The following GJC1 variants were observed in gnomAD, a reference collection of about 807,000 sequenced individuals.
GJC1 encodes the protein gap junction protein gamma 1.
Under a neutral mutation model 29.3 loss-of-function variants are expected in GJC1, and 5 were observed. That is an observed-to-expected ratio of 0.17 (90% CI 0.09 to 0.36). GJC1 has a LOEUF of 0.36. Ranked by LOEUF, GJC1 falls within the 10% of genes least tolerant of loss-of-function variation. The pLI is 1.00. For missense variants in GJC1, 310 were observed against 496.2 expected (o/e 0.62, Z 3.56); for synonymous variants, 177 against 183.3 (o/e 0.97, Z 0.28).
intron 1 of GJC1, among the ~76,000 whole-genome samples, chr17:44,828,050 GATCCTCATTACTCA>G: frequency 6.6e-6 from 1 of 152,278 alleles, no homozygotes. Context: ...TGTATTCTAA[GATCCTCATTACTCA>G]ATTGATAGGC....
intron 1 of GJC1, among the ~76,000 whole-genome samples, chr17:44,809,368 A>C (rs2049947496): frequency 6.6e-6 from 1 of 152,190 alleles, no homozygotes; most frequent in African/African-American, 2.4e-5. Context: ...ACAAGAAGTA[A>C]ATAATATAAA....
chr17:44,816,636 G>A (rs1224692901), intron 1 of GJC1, among the ~76,000 whole-genome samples: 1 of 151,974 alleles, frequency 6.6e-6, no homozygotes, highest in Non-Finnish European at 1.5e-5. Context: ...TTCTCGAGTA[G>A]CTGGGATTAC....
At chr17:44,823,716 CTTT>C (rs138768045) in intron 1 of GJC1, among the ~76,000 whole-genome samples, 3 of 143,198 alleles carry the variant, frequency 2.1e-5, no homozygotes, top group African/African-American at 2.6e-5. Flanking sequence ...CTTTCCTTTC[CTTT>C]TTTTTTTTTT....
chr17:44,829,755 C>G (rs1013521374), intron 1 of GJC1: 11 of 152,054 alleles, frequency 7.2e-5, no homozygotes, highest in African/African-American at 2.7e-4. Context: ...GACCGTCGCC[C>G]GACACCTCCG....
chr17:44,811,697 A>G (rs1255330710), intron 1 of GJC1, among the ~76,000 whole-genome samples: 2 of 151,998 alleles, frequency 1.3e-5, no homozygotes, highest in Non-Finnish European at 2.9e-5. Flanking sequence ...TCTTTCTCTT[A>G]ATATAATTCT....
At position 44,801,804 on chromosome 17, in the gene GJC1, C is replaced by G. The variant is rs2049850588; in HGVS notation, c.*2823G>C. The G allele has an allele frequency of 6.6e-6, 1 of 152,130 alleles. No individual in the cohort carries two copies. Among genetic ancestry groups the G allele is most frequent in the Non-Finnish European group, 1.5e-5 (1 of 68,048 alleles). The allele number at this position is 152,130 out of a possible 1,614,324, so 9.4% of individuals were successfully genotyped here. A position where few individuals can be genotyped will look rare whatever the true frequency, so the allele number is the denominator to read the frequency against. On this transcript the variant is annotated 3_prime_UTR_variant, in exon 3 of 3. Coordinates refer to ENST00000592524, the MANE Select transcript of GJC1 (RefSeq NM_005497.4). ...ATTTTTAGTAGAGATGGAGTTTCAC[C>G]ATGTTGACCAGTCTGGTCTTGAACT...
chr17:44,797,684 C>G (rs2049792544), downstream of GJC1: 1 of 152,186 alleles, frequency 6.6e-6, no homozygotes, highest in Non-Finnish European at 1.5e-5. Flanking sequence ...CCCTTAAAAC[C>G]TTAAAAACAG....
intron 1 of GJC1, among the ~76,000 whole-genome samples, chr17:44,822,286 A>G (rs1170487071): frequency 4.6e-5 from 7 of 151,872 alleles, no homozygotes; most frequent in East Asian, 1.9e-4. Flanking sequence ...TATGGGGGGA[A>G]TAAGGAGGGA....
chr17:44,808,768 G>C (rs1381058548), intron 1 of GJC1, among the ~76,000 whole-genome samples: 1 of 151,864 alleles, frequency 6.6e-6, no homozygotes, highest in Non-Finnish European at 1.5e-5. Flanking sequence ...AAATAAAGAA[G>C]CAAAAAGATT....
At position 44,827,923 on chromosome 17, in the gene GJC1, A is replaced by T. The variant is rs77090594; in HGVS notation, c.-97+2139T>A. On this transcript the variant is annotated intron_variant, in intron 1 of 2. Coordinates refer to ENST00000592524, the MANE Select transcript of GJC1 (RefSeq NM_005497.4). ...ACACCTCACCAATTTTGAAATGTGA[A>T]CATACAACAAATAAAGCAATATTTT... is the stretch of plus-strand genomic sequence containing the variant. 4.7e-4 allele frequency among the ~76,000 whole-genome samples: 71 copies of T among 152,338 alleles called. 1 individual carries two copies. In the East Asian group the frequency reaches 0.012, roughly 26 times the overall value.
rs528255096 is a variant in GJC1, at chr17:44,817,130, C to T, written c.-96-9661G>A. Reference sequence around the variant, plus strand: ...AGGCTGAGACAGAATTGCTTGAACCCAGGAGGCGGTGGTTGCAGTGAGCTG... The same window carrying T: ...AGGCTGAGACAGAATTGCTTGAACCTAGGAGGCGGTGGTTGCAGTGAGCTG... On this transcript the variant is annotated intron_variant, in intron 1 of 2. Coordinates refer to ENST00000592524, the MANE Select transcript of GJC1 (RefSeq NM_005497.4). Among the ~76,000 whole-genome samples the T allele has an allele frequency of 1.0e-3, 151 of 151,356 alleles. 1 individual carries two copies. The highest frequency in any genetic ancestry group is 3.5e-3 in the African/African-American group (146 of 41,312).
chr17:44,821,019 A>G (rs2050099464), intron 1 of GJC1, among the ~76,000 whole-genome samples: 1 of 152,256 alleles, frequency 6.6e-6, no homozygotes, highest in Non-Finnish European at 1.5e-5. Context: ...TCAAATTATA[A>G]AATCTCATGG....
At chr17:44,826,841 G>A (rs77077545) in intron 1 of GJC1, among the ~76,000 whole-genome samples, 1,875 of 152,124 alleles carry the variant, frequency 0.012, 40 homozygotes, top group African/African-American at 0.042. Flanking sequence ...ATTTTACTAG[G>A]TTCTTATTTC....
intron 1 of GJC1, among the ~76,000 whole-genome samples, chr17:44,827,670 C>T (rs1279565634): frequency 6.6e-6 from 1 of 151,846 alleles, no homozygotes; most frequent in Non-Finnish European, 1.5e-5. Context: ...CGGTGGCTCA[C>T]GCCTGTAATC....
At chr17:44,810,671 G>A (rs1238400161) in intron 1 of GJC1, among the ~76,000 whole-genome samples, 5 of 152,080 alleles carry the variant, frequency 3.3e-5, no homozygotes, top group African/African-American at 9.7e-5. Context: ...ATCTGCAGAC[G>A]GACTCCCCTC....
rs2049897993 is a variant in GJC1 at position 44,805,161 on chromosome 17, G to A, written c.657C>T (p.Asp219=). The A allele has an allele frequency of 2.5e-6, 4 of 1,614,110 alleles. No individual in the cohort carries two copies. In the East Asian group the frequency reaches 8.9e-5, roughly 36 times the overall value. The change falls in exon 3 of 3, where the codon GAC becomes GAT. Residue 219 remains aspartate (D), a synonymous_variant. Transcript: ENST00000592524. The surrounding 1 kb of genome is among the most constrained non-coding windows in gnomAD (Gnocchi z 5.1). The stretch of plus-strand genomic sequence containing the variant: ...TTTCAGTGGGTCTAGAAATAAAGCA[G>A]TCTATCTTATGAGGACAAGGAAGTC... ...CSRLPCPHKI[D]CFISRPTEKT... is the part of the protein sequence containing the mutation.
intron 1 of GJC1, among the ~76,000 whole-genome samples, chr17:44,821,785 T>C (rs1191654962): frequency 1.3e-5 from 2 of 151,360 alleles, no homozygotes; most frequent in Admixed American, 6.6e-5. Flanking sequence ...TGGTACAACT[T>C]TTCTGGAAGG....
At chr17:44,822,661 A>C (rs2050126252) in intron 1 of GJC1, among the ~76,000 whole-genome samples, 1 of 151,192 alleles carries the variant, frequency 6.6e-6, no homozygotes, top group South Asian at 2.1e-4. Flanking sequence ...AAAAAAAAAA[A>C]AAAGAGTCCA....
At chr17:44,819,476 G>A in intron 1 of GJC1, among the ~76,000 whole-genome samples, 1 of 151,858 alleles carries the variant, frequency 6.6e-6, no homozygotes, top group Non-Finnish European at 1.5e-5. Flanking sequence ...GGCTAACACT[G>A]TGAAACCCCC....
Sources: allele counts gnomAD v4.1 joint callset (sites outside exome capture counted in the v4.1 genomes callset), GRCh38; gene constraint gnomAD v4.1.1; non-coding constraint Gnocchi (gnomAD v3.1); transcripts MANE v1.5; gene names NCBI Gene and HGNC (gene_info 2026-07-23, HGNC 2026-07-21).